Variants in RBMS1 observed in about 807,000 individuals in gnomAD.
The protein encoded by RBMS1 is RNA binding motif single stranded interacting protein 1.
RBMS1 carries 17 observed loss-of-function variants against 62.3 expected under a neutral mutation model. The observed-to-expected ratio is 0.27, with a 90% CI of 0.19 to 0.41. The LOEUF is 0.41. Among genes scored for constraint, RBMS1 ranks in the 10% least tolerant of loss-of-function variants. The pLI is 1.00. For missense variants in RBMS1, 334 were observed against 504.5 expected (o/e 0.66, Z 3.24); for synonymous variants, 172 against 170.0 (o/e 1.01, Z -0.09).
chr2:160,413,424 T>C (rs896617230), intron 1 of RBMS1, among the ~76,000 whole-genome samples: 1 of 152,238 alleles, frequency 6.6e-6, no homozygotes, highest in Non-Finnish European at 1.5e-5. Context: ...AAGTACCCTA[T>C]TTCTAAAGTA....
At position 160,493,618 on chromosome 2, in the gene RBMS1, A is replaced by C; in HGVS notation, c.-255T>G. On this transcript the variant is annotated 5_prime_UTR_variant, in exon 1 of 14. Transcript: ENST00000348849. Reference sequence around the variant, plus strand: ...CCAGGCAGAAAGAAAGACACTGCAGAGCGCAGAGGGCACCCCGGACAGGGC... The same window carrying C: ...CCAGGCAGAAAGAAAGACACTGCAGCGCGCAGAGGGCACCCCGGACAGGGC... 1 of 558,790 alleles carries C rather than the reference A, an allele frequency of 1.8e-6. No individual in the cohort carries two copies. Among genetic ancestry groups the C allele is most frequent in the South Asian group, 2.0e-5 (1 of 50,218 alleles). The allele number at this position is 558,790 out of a possible 1,614,324, so 34.6% of individuals were successfully genotyped here.
chr2:160,307,807 C>A (rs1021781395), intron 4 of RBMS1, among the ~76,000 whole-genome samples: 1 of 152,206 alleles, frequency 6.6e-6, no homozygotes, highest in Non-Finnish European at 1.5e-5. Context: ...CCAGACAAAG[C>A]GCTGAAAATT....
At chr2:160,460,050 A>G (rs1684398074) in intron 1 of RBMS1, among the ~76,000 whole-genome samples, 1 of 152,166 alleles carries the variant, frequency 6.6e-6, no homozygotes, top group African/African-American at 2.4e-5. Context: ...AGTTAAAACT[A>G]ACCTCTGGGC....
chr2:160,310,453 ACT>A (rs2105960833), intron 4 of RBMS1, among the ~76,000 whole-genome samples: 2 of 152,276 alleles, frequency 1.3e-5, no homozygotes, highest in East Asian at 1.9e-4. Flanking sequence ...GTAACTTGAG[ACT>A]CTGACTGAAA....
At chr2:160,327,535 A>G (rs2105979811) in intron 2 of RBMS1, among the ~76,000 whole-genome samples, 1 of 152,322 alleles carries the variant, frequency 6.6e-6, no homozygotes, top group East Asian at 1.9e-4. Context: ...ATAGTTTAGT[A>G]TCAAGTCTAT....
intron 1 of RBMS1, among the ~76,000 whole-genome samples, chr2:160,471,716 T>TATATATATATATATATATATAAAA (rs371634389): frequency 2.6e-5 from 2 of 76,232 alleles, no homozygotes; most frequent in African/African-American, 8.9e-5. Context: ...TATATATATA[T>TATATATATATATATATATATAAAA]AACCTTTCAT....
rs773319817 is a variant in RBMS1 at position 160,277,404 on chromosome 2, A to C, written c.1063-21T>G. On this transcript the variant is annotated intron_variant, in intron 11 of 13. Transcript: ENST00000348849. Reference sequence around the variant, plus strand: ...ATGTACTAGAAAGAAGAATGAGGTCAGAATGGGCAATGGTAAACCATGCAA... The same window carrying C: ...ATGTACTAGAAAGAAGAATGAGGTCCGAATGGGCAATGGTAAACCATGCAA... 6.3e-7 allele frequency: 1 copy of C among 1,584,892 alleles called. No individual in the cohort carries two copies. The highest frequency in any genetic ancestry group is 8.7e-7 in the Non-Finnish European group (1 of 1,153,644).
chr2:160,411,911 C>G (rs1362631921), intron 1 of RBMS1, among the ~76,000 whole-genome samples: 1 of 152,160 alleles, frequency 6.6e-6, no homozygotes, highest in African/African-American at 2.4e-5. Flanking sequence ...AATGAATATT[C>G]TTTCTAAGGT....
At chr2:160,386,839 C>A (rs563165580) in intron 1 of RBMS1, among the ~76,000 whole-genome samples, 5 of 152,302 alleles carry the variant, frequency 3.3e-5, no homozygotes, top group Admixed American at 2.0e-4. Flanking sequence ...AGACATCAAC[C>A]ATTCAGGTCT....
At chr2:160,483,843 A>T (rs1165987369) in intron 1 of RBMS1, among the ~76,000 whole-genome samples, 2 of 152,126 alleles carry the variant, frequency 1.3e-5, no homozygotes, top group Non-Finnish European at 2.9e-5. Context: ...CATGCCACCC[A>T]AGCCCACTCT....
At chr2:160,352,170 G>C (rs1692552641) in intron 2 of RBMS1, among the ~76,000 whole-genome samples, 1 of 152,104 alleles carries the variant, frequency 6.6e-6, no homozygotes, top group Non-Finnish European at 1.5e-5. Context: ...GGGCTTAAGA[G>C]AAGTTCTGTT....
intron 1 of RBMS1, among the ~76,000 whole-genome samples, chr2:160,413,643 A>G (rs1365792515): frequency 6.6e-6 from 1 of 152,232 alleles, no homozygotes; most frequent in Non-Finnish European, 1.5e-5. Context: ...CAGAAGCCAT[A>G]GTCTGATTAT....
intron 6 of RBMS1, among the ~76,000 whole-genome samples, chr2:160,296,519 G>C (rs560153908): frequency 6.6e-6 from 1 of 152,312 alleles, no homozygotes; most frequent in South Asian, 2.1e-4. Context: ...AAACAGTGGA[G>C]CTACGGCGGA....
intron 2 of RBMS1, among the ~76,000 whole-genome samples, chr2:160,364,219 A>G (rs1383053808): frequency 6.6e-6 from 1 of 152,230 alleles, no homozygotes; most frequent in Non-Finnish European, 1.5e-5. Context: ...GGATTGTTCC[A>G]TTTCCTGAAC....
rs1446628044 is a variant in RBMS1 at position 160,273,442 on chromosome 2, C to T, written c.*1330G>A. The T allele has an allele frequency of 1.3e-5, 2 of 152,152 alleles. No individual in the cohort carries two copies. Among genetic ancestry groups the T allele is most frequent in the Admixed American group, 1.3e-4 (2 of 15,280 alleles). The allele number at this position is 152,152 out of a possible 1,614,324, so 9.4% of individuals were successfully genotyped here. ...TTGGAGCTACTGGTTACTGGCTCTT[C>T]GGTCTTTGGTGAAGTTACCTTTAAA... On this transcript the variant is annotated 3_prime_UTR_variant, in exon 14 of 14. Transcript: ENST00000348849.
At chr2:160,376,422 T>G (rs1360820707) in intron 1 of RBMS1, among the ~76,000 whole-genome samples, 1 of 152,174 alleles carries the variant, frequency 6.6e-6, no homozygotes, top group African/African-American at 2.4e-5. Context: ...CATAAAATCT[T>G]ATCTGACAAT....
intron 5 of RBMS1, among the ~76,000 whole-genome samples, chr2:160,301,804 C>CT (rs1276335739): frequency 2.0e-5 from 3 of 152,144 alleles, no homozygotes; most frequent in Non-Finnish European, 2.9e-5. Flanking sequence ...GAAAAGTTCC[C>CT]TTTTTTGTCT....
intron 9 of RBMS1, chr2:160,282,093 C>A: frequency 2.0e-6 from 1 of 512,374 alleles, no homozygotes; most frequent in Non-Finnish European, 3.3e-6. Context: ...CAGCCCATTT[C>A]TTGATGCCCA....
intron 1 of RBMS1, among the ~76,000 whole-genome samples, chr2:160,459,503 T>G (rs990241741): frequency 2.6e-5 from 4 of 152,176 alleles, no homozygotes; most frequent in African/African-American, 7.2e-5. Context: ...CATGTTAATC[T>G]TTTAAAATTT....
Sources: gnomAD v4.1 joint callset for allele counts (sites outside exome capture counted in the v4.1 genomes callset) on GRCh38, gnomAD v4.1.1 for gene constraint, MANE v1.5 for transcripts, NCBI Gene and HGNC (gene_info 2026-07-23, HGNC 2026-07-21) for gene names.